The following SYT13 variants were observed in gnomAD, a reference collection of about 807,000 sequenced individuals.
The protein encoded by SYT13 is synaptotagmin 13.
SYT13 carries 21 observed loss-of-function variants against 38.6 expected under a neutral mutation model. That is an observed-to-expected ratio of 0.54 (90% CI 0.39 to 0.78). The LOEUF is 0.78. Ranked by LOEUF, SYT13 falls within the 30% of genes least tolerant of loss-of-function variation. The pLI, the probability that SYT13 is intolerant of heterozygous loss-of-function variation, is 0.00. For synonymous variants in SYT13, 241 were observed against 237.6 expected, an observed-to-expected ratio of 1.01 and a Z score of -0.13; for missense variants, 495 against 548.7, an observed-to-expected ratio of 0.90 and a Z score of 0.98.
intron 2 of SYT13, 102 bp from the exon 3 acceptor site, chr11:45,254,506 A>C: frequency 1.3e-6 from 2 of 1,494,796 alleles, no homozygotes; most frequent in Non-Finnish European, 1.8e-6. Context: ...ACCCAAACCC[A>C]AGTCTTCCCA....
chr11:45,283,773 T>C (rs1412149652), intron 1 of SYT13, among the ~76,000 whole-genome samples: 1 of 152,248 alleles, frequency 6.6e-6, no homozygotes, highest in African/African-American at 2.4e-5. Context: ...TGCACCAGTA[T>C]TTGAAGATGA....
In SYT13 at chr11:45,242,755, A is replaced by C. The variant is rs1192307234; in HGVS notation, c.*1297T>G. On this transcript the variant is annotated 3_prime_UTR_variant, in exon 6 of 6. Coordinates refer to ENST00000020926, the MANE Select transcript of SYT13 (RefSeq NM_020826.3). The stretch of plus-strand genomic sequence containing the variant: ...GCTGGCCAAACAGGTGCTGAAGGGC[A>C]ATGTCAACAACAGAACCCAGGAATC... 7 of 152,124 alleles carry C rather than the reference A, an allele frequency of 4.6e-5. No individual in the cohort carries two copies. The highest frequency in any genetic ancestry group is 2.6e-4 in the Admixed American group (4 of 15,262). 9.4% of individuals were successfully genotyped at this position (152,124 alleles called of 1,614,324 possible).
In SYT13 at chr11:45,252,691, G is replaced by C. The variant is rs755581804; in HGVS notation, c.576C>G (p.Asp192Glu). The C allele has an allele frequency of 1.5e-4, 236 of 1,588,902 alleles. No individual in the cohort carries two copies. Among genetic ancestry groups the C allele is most frequent in the Non-Finnish European group, 2.0e-4 (230 of 1,161,400 alleles). The change falls in exon 4 of 6, where the codon GAC becomes GAG. Residue 192 changes from aspartate to glutamate, a missense_variant. Coordinates refer to ENST00000020926, the MANE Select transcript of SYT13 (RefSeq NM_020826.3). The surrounding 1 kb of genome is among the most constrained non-coding windows in gnomAD (Gnocchi z 4.3). ...TGGCCACACTCCCTTGGACGTAGCA[G>C]TCACAGCCTCCGTCGTGGTTGCTGG... ...AVTSNHDGGC[D>E]CYVQGSVANR...
intron 2 of SYT13, among the ~76,000 whole-genome samples, chr11:45,255,381 GGTTTTAACCAT>G (rs1233420271): frequency 2.3e-4 from 35 of 152,188 alleles, no homozygotes; most frequent in Non-Finnish European, 4.4e-4. Context: ...TGAAGCCCAT[GGTTTTAACCAT>G]GGCTCTTTAT....
At chr11:45,264,126 T>G (rs538430205) in intron 1 of SYT13, among the ~76,000 whole-genome samples, 4 of 152,298 alleles carry the variant, frequency 2.6e-5, no homozygotes, top group Admixed American at 2.6e-4. Context: ...GTGTGAGCAT[T>G]ACAACAAAAC....
At chr11:45,285,976 C>T (rs1439291598) in intron 1 of SYT13, 49 bp downstream of exon 1, 27 of 1,574,242 alleles carry the variant, frequency 1.7e-5, no homozygotes, top group Non-Finnish European at 2.2e-5. Flanking sequence ...TGCAGCTGCC[C>T]GGCAACCCCG....
chr11:45,262,770 AATT>A (rs1854834941), intron 1 of SYT13, among the ~76,000 whole-genome samples: 1 of 75,734 alleles, frequency 1.3e-5, no homozygotes, highest in Non-Finnish European at 2.4e-5. Flanking sequence ...CACACACACA[AATT>A]GAACTGTACA....
At chr11:45,281,600 G>A (rs1855074158) in intron 1 of SYT13, among the ~76,000 whole-genome samples, 1 of 151,924 alleles carries the variant, frequency 6.6e-6, no homozygotes, top group African/African-American at 2.4e-5. Context: ...CCAGGAGGTG[G>A]AGGTTGCAGT....
At chr11:45,249,892 TATA>T (rs1382025178) in intron 4 of SYT13, among the ~76,000 whole-genome samples, 3 of 152,284 alleles carry the variant, frequency 2.0e-5, no homozygotes, top group Non-Finnish European at 4.4e-5. Flanking sequence ...GAACTTAAAA[TATA>T]ATAATAATAA....
At chr11:45,262,158 C>T (rs1266580548) in intron 1 of SYT13, among the ~76,000 whole-genome samples, 1 of 152,138 alleles carries the variant, frequency 6.6e-6, no homozygotes, top group East Asian at 1.9e-4. Flanking sequence ...AATGTTCTGA[C>T]ACAGGCTACA....
At chr11:45,278,504 C>T (rs1034103006) in intron 1 of SYT13, among the ~76,000 whole-genome samples, 2 of 152,118 alleles carry the variant, frequency 1.3e-5, no homozygotes, top group Non-Finnish European at 2.9e-5. Context: ...TCTGGTTTGT[C>T]TTTCAGGTGT....
chr11:45,265,372 A>G (rs1001549869), intron 1 of SYT13, among the ~76,000 whole-genome samples: 1 of 152,226 alleles, frequency 6.6e-6, no homozygotes, highest in Non-Finnish European at 1.5e-5. Context: ...GCTGCTATTG[A>G]CCACAGTCAC....
rs1461525064 is a variant in SYT13 at position 45,241,570 on chromosome 11, T to C, written c.*2482A>G. ...AGGATGCTTCATGACCAAATGATGA[T>C]GGGTGGAGTTGATAATTCTGGGATC... On this transcript the variant is annotated 3_prime_UTR_variant, in exon 6 of 6. Transcript: ENST00000020926. The C allele has an allele frequency of 3.2e-5, 4 of 125,120 alleles. No homozygotes were observed. Among genetic ancestry groups the C allele is most frequent in the Non-Finnish European group, 4.7e-5 (3 of 63,878 alleles). 7.8% of individuals were successfully genotyped at this position (125,120 alleles called of 1,614,324 possible). A position where few individuals can be genotyped will look rare whatever the true frequency, so the allele number is the denominator to read the frequency against.
intron 1 of SYT13, among the ~76,000 whole-genome samples, chr11:45,275,485 G>C (rs1854999806): frequency 6.6e-6 from 1 of 152,074 alleles, no homozygotes; most frequent in Admixed American, 6.6e-5. Flanking sequence ...GCAGGCACTG[G>C]TACTCCATTA....
rs373992447 is a variant in SYT13, at chr11:45,252,748, C to T, written c.545-26G>A. On this transcript the variant is annotated intron_variant, in intron 3 of 5. Transcript: ENST00000020926. The surrounding 1 kb of genome is among the most constrained non-coding windows in gnomAD (Gnocchi z 4.3). ...CTGCAGGCAAGGAGAACAACACAGG[C>T]GTGGGACTTTCTGAGGACAAGTGGA... The T allele has an allele frequency of 5.2e-6, 8 of 1,532,198 alleles. No individual in the cohort carries two copies. The African/African-American group carries it at 5.5e-5, about 11-fold the overall frequency. The allele number at this position is 1,532,198 out of a possible 1,614,324, so 94.9% of individuals were successfully genotyped here.
At position 45,244,057 on chromosome 11, in the gene SYT13, G is replaced by A. The variant is rs1411296133; in HGVS notation, c.1276C>T (p.Leu426=). The part of the protein sequence containing the change: ...RQIAMWHQLH[L] ...GGAGGCAGCTGGGCAGCTGGTTACA[G>A]GTGCAGCTGGTGCCACATGGCAATC... The change falls in exon 6 of 6, where the codon CTG becomes TTG. Residue 426 remains leucine, a synonymous_variant. Coordinates refer to ENST00000020926, the MANE Select transcript of SYT13 (RefSeq NM_020826.3). 2 of 1,596,652 alleles carry A rather than the reference G, an allele frequency of 1.3e-6. No individual in the cohort carries two copies. The highest frequency in any genetic ancestry group is 4.5e-5 in the East Asian group (2 of 44,650).
At chr11:45,264,906 C>G (rs1854863358) in intron 1 of SYT13, among the ~76,000 whole-genome samples, 1 of 152,158 alleles carries the variant, frequency 6.6e-6, no homozygotes, top group African/African-American at 2.4e-5. Flanking sequence ...GGGAAAATGG[C>G]AAGCCACGTT....
intron 1 of SYT13, among the ~76,000 whole-genome samples, chr11:45,258,032 G>A (rs930783374): frequency 6.6e-6 from 1 of 152,226 alleles, no homozygotes; most frequent in East Asian, 1.9e-4. Context: ...CCTGATTCTA[G>A]CCTGATCACC....
intron 1 of SYT13, among the ~76,000 whole-genome samples, chr11:45,261,277 A>C (rs1854811488): frequency 6.6e-6 from 1 of 152,234 alleles, no homozygotes; most frequent in Non-Finnish European, 1.5e-5. Flanking sequence ...GGAATGTAAA[A>C]TGTATCACTG....
Sources: allele counts gnomAD v4.1 joint callset (sites outside exome capture counted in the v4.1 genomes callset), GRCh38; gene constraint gnomAD v4.1.1; non-coding constraint Gnocchi (gnomAD v3.1); transcripts MANE v1.5; gene names NCBI Gene and HGNC (gene_info 2026-07-23, HGNC 2026-07-21).